The following C8orf34 variants were observed in gnomAD, a reference collection of about 807,000 sequenced individuals.
C8orf34 encodes uncharacterized protein C8orf34.
In C8orf34, 65 loss-of-function variants were observed where a neutral mutation model predicts 68.3. The observed-to-expected ratio is 0.95, with a 90% confidence interval of 0.78 to 1.17. The LOEUF (loss-of-function observed/expected upper bound fraction) is 1.17, where lower values mean the gene tolerates loss of function less well. C8orf34 is among the 50% of genes most tolerant of loss of function. The pLI, the probability that C8orf34 is intolerant of heterozygous loss-of-function variation, is 0.00. For missense variants in C8orf34, 664 were observed against 655.4 expected (o/e 1.01, Z -0.14); for synonymous variants, 244 against 241.2 (o/e 1.01, Z -0.11).
chr8:68,374,924 T>C (rs555017962), intron 1 of C8orf34, among the ~76,000 whole-genome samples: 2 of 152,264 alleles, frequency 1.3e-5, no homozygotes, highest in East Asian at 3.9e-4. Flanking sequence ...TAATGTGTTG[T>C]TGTGAAGATT....
intron 1 of C8orf34, among the ~76,000 whole-genome samples, chr8:68,401,517 A>T (rs1808953985): frequency 6.6e-6 from 1 of 152,064 alleles, no homozygotes; most frequent in Non-Finnish European, 1.5e-5. Flanking sequence ...TGGGTTTCTC[A>T]TATATGGCCT....
At chr8:68,519,714 A>C (rs1321003040) in intron 5 of C8orf34, among the ~76,000 whole-genome samples, 1 of 152,034 alleles carries the variant, frequency 6.6e-6, no homozygotes, top group Non-Finnish European at 1.5e-5. Context: ...TTTTTAAAAA[A>C]TGGTCTTTCA....
chr8:68,734,207 G>A (rs1822062646), intron 10 of C8orf34, among the ~76,000 whole-genome samples: 1 of 152,112 alleles, frequency 6.6e-6, no homozygotes, highest in African/African-American at 2.4e-5. Context: ...TGTACTTGGA[G>A]ATCACAAAAG....
chr8:68,738,315 A>C (rs1196068303), intron 10 of C8orf34, among the ~76,000 whole-genome samples: 1 of 152,058 alleles, frequency 6.6e-6, no homozygotes, highest in Non-Finnish European at 1.5e-5. Flanking sequence ...TAAGAGGGAA[A>C]TCATACCACT....
chr8:68,332,003 A>G (rs1031312930), intron 1 of C8orf34, among the ~76,000 whole-genome samples: 4 of 150,706 alleles, frequency 2.7e-5, no homozygotes, highest in Non-Finnish European at 5.9e-5. Context: ...CAGACCCCAC[A>G]TGTGTTAGCA....
intron 6 of C8orf34, among the ~76,000 whole-genome samples, chr8:68,523,082 A>T (rs908199857): frequency 1.3e-5 from 2 of 152,208 alleles, no homozygotes; most frequent in Non-Finnish European, 2.9e-5. Flanking sequence ...TTCTATTTCC[A>T]TGAGAAATAA....
chr8:68,743,594 C>T (rs899119026), intron 10 of C8orf34, among the ~76,000 whole-genome samples: 1 of 152,222 alleles, frequency 6.6e-6, no homozygotes, highest in Non-Finnish European at 1.5e-5. Context: ...TCAGGGAGTT[C>T]CCTTTCCTAG....
At chr8:68,408,956 T>G (rs1809324342) in intron 1 of C8orf34, among the ~76,000 whole-genome samples, 1 of 152,110 alleles carries the variant, frequency 6.6e-6, no homozygotes, top group African/African-American at 2.4e-5. Context: ...ACCTGGCTAA[T>G]TTTTGTATTT....
chr8:68,816,140 G>C (rs373916374), intron 13 of C8orf34, among the ~76,000 whole-genome samples, 195 bp downstream of exon 13: 18 of 146,390 alleles, frequency 1.2e-4, no homozygotes, highest in Non-Finnish European at 2.6e-4. Flanking sequence ...GTGTTTCTCT[G>C]TGTGTGTGTG....
intron 5 of C8orf34, among the ~76,000 whole-genome samples, chr8:68,508,176 A>G (rs889375152): frequency 1.3e-5 from 2 of 152,194 alleles, no homozygotes; most frequent in Non-Finnish European, 2.9e-5. Context: ...AAGCTCATCT[A>G]TTTATTGAAG....
At chr8:68,529,762 C>T (rs1329955737) in intron 6 of C8orf34, among the ~76,000 whole-genome samples, 1 of 151,956 alleles carries the variant, frequency 6.6e-6, no homozygotes, top group African/African-American at 2.4e-5. Context: ...AATATGTTTG[C>T]CTTTTAGAAA....
chr8:68,350,054 G>A lies in C8orf34; in HGVS notation c.327+18715G>A, dbSNP rs1029171702. Among the ~76,000 whole-genome samples, 11 of 151,792 alleles carry A rather than the reference G, an allele frequency of 7.2e-5. No homozygotes were observed. In the Admixed American group the frequency reaches 7.2e-4, roughly 10 times the overall value. On this transcript the variant is annotated intron_variant, in intron 1 of 13. Coordinates refer to ENST00000518698, the MANE Select transcript of C8orf34 (RefSeq NM_052958.4). ...CTTCTCTAATTCTTTCAGTTATGAA[G>A]TTAGGTTGTTAATTTCAGATCTTTC... is the stretch of plus-strand genomic sequence containing the variant.
At chr8:68,454,153 G>T (rs187515870) in intron 3 of C8orf34, among the ~76,000 whole-genome samples, 5 of 152,088 alleles carry the variant, frequency 3.3e-5, no homozygotes, top group Admixed American at 3.3e-4. Context: ...TTAATATGCT[G>T]CTGGATTTAG....
chr8:68,332,939 A>G (rs1043113649), intron 1 of C8orf34, among the ~76,000 whole-genome samples: 30 of 152,234 alleles, frequency 2.0e-4, no homozygotes, highest in Admixed American at 1.8e-3. Flanking sequence ...TTTTAAAGGC[A>G]GAAGCCTAAA....
intron 10 of C8orf34, among the ~76,000 whole-genome samples, chr8:68,742,454 G>A (rs1399396246): frequency 6.6e-6 from 1 of 152,206 alleles, no homozygotes; most frequent in Non-Finnish European, 1.5e-5. Flanking sequence ...GTATTCATCT[G>A]TGTAAGCAGC....
At chr8:68,487,361 G>T (rs1813122235) in intron 4 of C8orf34, among the ~76,000 whole-genome samples, 2 of 152,180 alleles carry the variant, frequency 1.3e-5, no homozygotes, top group Non-Finnish European at 1.5e-5. Flanking sequence ...TCATCACAGA[G>T]AAATAAGTTA....
intron 10 of C8orf34, among the ~76,000 whole-genome samples, chr8:68,755,056 T>C (rs1822815968): frequency 6.6e-6 from 1 of 152,214 alleles, no homozygotes; most frequent in Admixed American, 6.5e-5. Context: ...ATTTTTTTGG[T>C]TGCTTATTCT....
intron 7 of C8orf34, among the ~76,000 whole-genome samples, chr8:68,557,360 A>C (rs766254873): frequency 5.9e-5 from 9 of 152,162 alleles, no homozygotes; most frequent in Non-Finnish European, 1.2e-4. Flanking sequence ...ACTGATCCTA[A>C]ACTTGAGCCC....
intron 3 of C8orf34, among the ~76,000 whole-genome samples, chr8:68,460,607 C>T (rs997554324): frequency 1.2e-4 from 18 of 152,162 alleles, no homozygotes; most frequent in South Asian, 2.1e-4. Context: ...TCCAGAGGAA[C>T]GATCAGACAG....
Sources: allele counts gnomAD v4.1 joint callset (sites outside exome capture counted in the v4.1 genomes callset), GRCh38; gene constraint gnomAD v4.1.1; transcripts MANE v1.5; gene names NCBI Gene and HGNC (gene_info 2026-07-23, HGNC 2026-07-21).